The following DEPDC4 variants were observed in gnomAD, a reference collection of about 807,000 sequenced individuals.
DEPDC4 encodes the protein DEP domain containing 4, also known as DEP domain-containing protein 4.
DEPDC4 carries 52 observed loss-of-function variants against 52.0 expected under a neutral mutation model. The ratio of observed to expected loss-of-function variants is 1.00; its 90% CI spans 0.80 to 1.26. The LOEUF is 1.26. Among genes scored for constraint, DEPDC4 ranks in the 50% most tolerant of loss-of-function variants. The pLI, the probability that DEPDC4 is intolerant of heterozygous loss-of-function variation, is 0.00. For synonymous variants in DEPDC4, 201 were observed against 196.8 expected (o/e 1.02, Z -0.18); for missense variants, 530 against 546.9 (o/e 0.97, Z 0.31).
At chr12:100,253,862 A>C in intron 4 of DEPDC4, 147 bp from the exon 5 acceptor site, 1 of 393,630 alleles carries the variant, frequency 2.5e-6, no homozygotes, top group South Asian at 2.1e-5. Context: ...GCATTTCAAT[A>C]CATTTTGCTG....
Position 100,261,652 on chromosome 12 carries a change from A to G in DEPDC4, c.700+612T>C, listed in dbSNP as rs1035445459. The G allele has an allele frequency of 1.1e-4, 51 of 454,796 alleles. 2 individuals carry two copies. The highest frequency in any genetic ancestry group is 7.6e-4 in the South Asian group (49 of 64,330). The allele number at this position is 454,796 out of a possible 1,614,324, so 28.2% of individuals were successfully genotyped here. On this transcript the variant is annotated intron_variant, in intron 3 of 9. Coordinates refer to ENST00000550587, the MANE Select transcript of DEPDC4 (RefSeq NM_001364818.2). ...CCGTATGTTTTCTCTTGCAGTGCAG[A>G]CTATAGCACCTCCAGTTAATCTGGT...
At chr12:100,270,295 A>G (rs1025674060), upstream of DEPDC4, among the ~76,000 whole-genome samples, 4 of 152,060 alleles carry the variant, frequency 2.6e-5, no homozygotes, top group Non-Finnish European at 5.9e-5. Context: ...CCGAGATTTT[A>G]TACTTTCTTA....
At position 100,258,685 on chromosome 12, in the gene DEPDC4, C is replaced by A. The variant is rs534308970; in HGVS notation, c.701-2459G>T. On this transcript the variant is annotated intron_variant, in intron 3 of 9. Coordinates refer to ENST00000550587, the MANE Select transcript of DEPDC4 (RefSeq NM_001364818.2). ...GAAGCTAGAAGGCAATGGGGAAATA[C>A]CTTTAAAAGTATTTGAGAAATTATT... 2.7e-5 allele frequency among the ~76,000 whole-genome samples: 4 copies of A among 147,586 alleles called. No individual in the cohort carries two copies. In the East Asian group the frequency reaches 7.7e-4, roughly 29 times the overall value.
chr12:100,278,880 A>G, the DEPDC4 span, among the ~76,000 whole-genome samples: 16 of 152,120 alleles, frequency 1.1e-4, no homozygotes, highest in African/African-American at 3.6e-4. Context: ...TGCCTACCTC[A>G]GCCTCCCAAA....
chr12:100,264,074 C>A (rs1275604442), intron 1 of DEPDC4, among the ~76,000 whole-genome samples, 181 bp from the exon 2 acceptor site: 2 of 152,048 alleles, frequency 1.3e-5, no homozygotes, highest in African/African-American at 4.8e-5. Flanking sequence ...TGTGGGTCTG[C>A]CAATAAAAAC....
downstream of DEPDC4, among the ~76,000 whole-genome samples, chr12:100,238,508 CTTTTTTTT>C (rs374449171): frequency 9.3e-5 from 10 of 107,296 alleles, no homozygotes; most frequent in Non-Finnish European, 1.3e-4. Context: ...TAGCTTAGTG[CTTTTTTTT>C]TTTTTTTTTG....
upstream of DEPDC4, among the ~76,000 whole-genome samples, chr12:100,270,180 G>A (rs564039050): frequency 8.9e-4 from 136 of 152,074 alleles, no homozygotes; most frequent in African/African-American, 2.9e-3. Context: ...TAGAGACGGC[G>A]TTTCACCGTG....
upstream of DEPDC4, among the ~76,000 whole-genome samples, chr12:100,272,065 C>T (rs142611944): frequency 6.6e-6 from 1 of 152,150 alleles, no homozygotes; most frequent in Non-Finnish European, 1.5e-5. Context: ...CTATTGAAAG[C>T]CAGGTGATGG....
chr12:100,235,997 C>T (rs963641509), downstream of DEPDC4, among the ~76,000 whole-genome samples: 2 of 152,250 alleles, frequency 1.3e-5, no homozygotes, highest in Admixed American at 1.3e-4. Flanking sequence ...CCAATCCCAT[C>T]CAGGTTGCTG....
intron 1 of DEPDC4, among the ~76,000 whole-genome samples, chr12:100,265,543 C>T (rs966780918): frequency 2.6e-5 from 4 of 151,860 alleles, no homozygotes; most frequent in Non-Finnish European, 5.9e-5. Flanking sequence ...TGCGGTGAGC[C>T]GAGATCACGC....
chr12:100,281,076 G>C, the DEPDC4 span, among the ~76,000 whole-genome samples: 1 of 138,202 alleles, frequency 7.2e-6, no homozygotes, highest in East Asian at 2.3e-4. Context: ...TCACCCAGGC[G>C]GGAGTGCAGT....
rs1473199744 is a variant in DEPDC4 at position 100,249,449 on chromosome 12, G to A, written c.1375-471C>T. Among the ~76,000 whole-genome samples the A allele has an allele frequency of 7.2e-5, 11 of 152,100 alleles. 1 individual carries two copies. The highest frequency in any genetic ancestry group is 1.0e-4 in the Non-Finnish European group (7 of 68,032). The stretch of plus-strand genomic sequence containing the variant: ...AGATCGCTTGAGTCCAGAAGTTCAA[G>A]ACCAGTCTGGGCAACACAGCGAGAT... On this transcript the variant is annotated intron_variant, in intron 7 of 9. Coordinates refer to ENST00000550587, the MANE Select transcript of DEPDC4 (RefSeq NM_001364818.2).
At chr12:100,256,616 G>GT in intron 3 of DEPDC4, among the ~76,000 whole-genome samples, 1 of 149,210 alleles carries the variant, frequency 6.7e-6, no homozygotes, top group South Asian at 2.1e-4. Context: ...GTAGTTCATT[G>GT]TTTTTTGTTT....
intron 1 of DEPDC4, 129 bp from the exon 2 acceptor site, chr12:100,264,022 CACATCTT>C (rs1392285741): frequency 2.5e-6 from 2 of 784,756 alleles, no homozygotes; most frequent in East Asian, 5.4e-5. Flanking sequence ...CGTGTCATCT[CACATCTT>C]ACATAAACTA....
the DEPDC4 span, among the ~76,000 whole-genome samples, chr12:100,277,968 A>C: frequency 3.3e-5 from 5 of 152,110 alleles, no homozygotes; most frequent in African/African-American, 1.2e-4. Context: ...ATGATACTGT[A>C]CTGCCTCAAA....
the DEPDC4 span, among the ~76,000 whole-genome samples, chr12:100,281,019 G>GTTTTTTTGTTTTTTTTTTTTT: frequency 2.0e-5 from 1 of 50,466 alleles, no homozygotes; most frequent in African/African-American, 6.9e-5. Flanking sequence ...TACCATCAGT[G>GTTTTTTTGTTTTTTTTTTTTT]TTTTTTTTTT....
upstream of DEPDC4, among the ~76,000 whole-genome samples, chr12:100,268,151 G>A (rs1330320409): frequency 2.0e-5 from 3 of 152,188 alleles, no homozygotes; most frequent in South Asian, 2.1e-4. Context: ...AAAGCGCTAT[G>A]CCTGTAGTGA....
rs763571466 is a variant in DEPDC4 at position 100,252,547 on chromosome 12, G to C, written c.1106-11C>G. The C allele has an allele frequency of 2.2e-5, 34 of 1,575,352 alleles. No individual in the cohort carries two copies. The highest frequency in any genetic ancestry group is 2.4e-5 in the Non-Finnish European group (28 of 1,164,318). ...CTCTTTTCTCATTTTCTGTTATATAGGTTACAAAGAAAACAAAGCATAAGA... is the reference window on the plus strand; with the variant it reads ...CTCTTTTCTCATTTTCTGTTATATACGTTACAAAGAAAACAAAGCATAAGA... On this transcript the variant is annotated splice_polypyrimidine_tract_variant and intron_variant, in intron 5 of 9. Coordinates refer to ENST00000550587, the MANE Select transcript of DEPDC4 (RefSeq NM_001364818.2).
At chr12:100,262,180 A>C (rs764548844) in intron 3 of DEPDC4, 84 bp downstream of exon 3, 53 of 1,381,030 alleles carry the variant, frequency 3.8e-5, no homozygotes, top group Non-Finnish European at 5.1e-5. Flanking sequence ...TTTTGCCGTG[A>C]CCTTGAAACT....
Sources: gnomAD v4.1 joint callset for allele counts (sites outside exome capture counted in the v4.1 genomes callset) on GRCh38, gnomAD v4.1.1 for gene constraint, MANE v1.5 for transcripts, NCBI Gene and HGNC (gene_info 2026-07-23, HGNC 2026-07-21) for gene names.